Variants in ZBTB49 observed in about 807,000 individuals in gnomAD.
ZBTB49 encodes zinc finger and BTB domain containing 49.
A neutral mutation model predicts 57.5 loss-of-function variants in ZBTB49; 43 were observed. The observed-to-expected ratio is 0.75, with a 90% CI of 0.59 to 0.97. ZBTB49 has a LOEUF of 0.97. Among genes scored for constraint, ZBTB49 ranks in the 50% least tolerant of loss-of-function variants. ZBTB49 has a pLI of 0.00. For synonymous variants in ZBTB49, 369 were observed against 362.1 expected (o/e 1.02, Z -0.22); for missense variants, 938 against 947.7 (o/e 0.99, Z 0.13).
chr4:4,297,677 G>A (rs1003235530), intron 1 of ZBTB49, among the ~76,000 whole-genome samples: 3 of 152,022 alleles, frequency 2.0e-5, no homozygotes, highest in African/African-American at 7.2e-5. Flanking sequence ...TCACAGTTGT[G>A]GTGGGAGGAT....
chr4:4,305,862 G>A (rs765178429), intron 3 of ZBTB49, among the ~76,000 whole-genome samples: 2 of 152,202 alleles, frequency 1.3e-5, no homozygotes, highest in African/African-American at 2.4e-5. Flanking sequence ...CTTCCAGAAC[G>A]TGGGTCTGCT....
At chr4:4,294,783 A>C (rs892714449) in intron 1 of ZBTB49, among the ~76,000 whole-genome samples, 13 of 151,878 alleles carry the variant, frequency 8.6e-5, no homozygotes, top group South Asian at 2.1e-4. Context: ...TAATTTTCTA[A>C]TTAGACATTT....
At chr4:4,319,650 A>G (rs989786960) in intron 7 of ZBTB49, among the ~76,000 whole-genome samples, 2 of 152,184 alleles carry the variant, frequency 1.3e-5, no homozygotes, top group Admixed American at 1.3e-4. Context: ...GCAAAACCCC[A>G]TCTCTACAAA....
At chr4:4,312,823 C>T (rs1215962355) in intron 4 of ZBTB49, among the ~76,000 whole-genome samples, 1 of 152,130 alleles carries the variant, frequency 6.6e-6, no homozygotes, top group Non-Finnish European at 1.5e-5. Flanking sequence ...ACATGGAGGA[C>T]GGGGTGGAGA....
intron 3 of ZBTB49, among the ~76,000 whole-genome samples, chr4:4,304,743 T>C (rs972991666): frequency 6.6e-6 from 1 of 152,104 alleles, no homozygotes; most frequent in African/African-American, 2.4e-5. Context: ...TTGTCTAAGA[T>C]GTTAGTTGTT....
chr4:4,297,471 A>G (rs575714189), intron 1 of ZBTB49, among the ~76,000 whole-genome samples: 56 of 152,222 alleles, frequency 3.7e-4, no homozygotes, highest in Admixed American at 1.2e-3. Flanking sequence ...CAGAGGAGCA[A>G]CCCCAAACCC....
chr4:4,311,946 G>C (rs1487785213), intron 4 of ZBTB49, among the ~76,000 whole-genome samples: 1 of 151,762 alleles, frequency 6.6e-6, no homozygotes, highest in Non-Finnish European at 1.5e-5. Context: ...TTTAATACTT[G>C]TGAATTCTAG....
Position 4,315,796 on chromosome 4 carries a change from A to G in ZBTB49, c.1460-13A>G, listed in dbSNP as rs763836930. 5.6e-6 allele frequency: 9 copies of G among 1,614,114 alleles called. No individual in the cohort carries two copies. In the African/African-American group the frequency reaches 9.3e-5, roughly 17 times the overall value. ...TCTGTCCTTCAGCTTAACACCTGTT[A>G]TGGTCTCTCTAGGGTTTAGTAACTT... On this transcript the variant is annotated splice_polypyrimidine_tract_variant and intron_variant, in intron 6 of 7. Transcript: ENST00000337872.
chr4:4,312,826 G>A (rs1721030474), intron 4 of ZBTB49, among the ~76,000 whole-genome samples: 1 of 152,188 alleles, frequency 6.6e-6, no homozygotes, highest in African/African-American at 2.4e-5. Context: ...TGGAGGACGG[G>A]GTGGAGACAC....
At chr4:4,295,940 A>G (rs904251833) in intron 1 of ZBTB49, among the ~76,000 whole-genome samples, 1 of 152,234 alleles carries the variant, frequency 6.6e-6, no homozygotes, top group Non-Finnish European at 1.5e-5. Flanking sequence ...AGAGTTGGAG[A>G]TTAGAACTGG....
chr4:4,312,415 T>C (rs1389641625), intron 4 of ZBTB49, among the ~76,000 whole-genome samples: 5 of 152,364 alleles, frequency 3.3e-5, no homozygotes, highest in Non-Finnish European at 4.4e-5. Context: ...TTCAGTGTTA[T>C]TCTTCGCAAA....
At chr4:4,306,401 CT>C (rs980838462) in intron 4 of ZBTB49, among the ~76,000 whole-genome samples, 2 of 152,144 alleles carry the variant, frequency 1.3e-5, no homozygotes, top group African/African-American at 4.8e-5. Flanking sequence ...TCTTACAATA[CT>C]TTTTTCGCCT....
intron 1 of ZBTB49, 137 bp from the exon 2 acceptor site, chr4:4,299,790 T>G (rs1720392688): frequency 1.5e-6 from 1 of 689,278 alleles, no homozygotes; most frequent in Non-Finnish European, 2.4e-6. Flanking sequence ...TGTGTGTGTG[T>G]GTGTGTGTGT....
chr4:4,297,763 G>C (rs1720280100), intron 1 of ZBTB49, among the ~76,000 whole-genome samples: 1 of 134,714 alleles, frequency 7.4e-6, no homozygotes, highest in African/African-American at 2.7e-5. Context: ...GGCAGAGCTA[G>C]ATCCTGTTTC....
chr4:4,307,186 G>A (rs1720773169), intron 4 of ZBTB49, among the ~76,000 whole-genome samples: 4 of 152,210 alleles, frequency 2.6e-5, no homozygotes, highest in African/African-American at 7.2e-5. Flanking sequence ...ACTCGGTCGG[G>A]TCATGTCCTC....
In ZBTB49 at chr4:4,315,691, C is replaced by T; in HGVS notation, c.1432C>T (p.Pro478Ser). 6.2e-7 allele frequency: 1 copy of T among 1,614,236 alleles called. No individual in the cohort carries two copies. Among genetic ancestry groups the T allele is most frequent in the African/African-American group, 1.3e-5 (1 of 75,058 alleles). Residue 478 changes from proline (P) to serine (S), a missense_variant, in exon 6 of 8, where the codon CCA (proline) becomes TCA (serine). Physicochemically the swap from Pro to Ser is moderately conservative, Grantham distance 74 (BLOSUM62 -1). Coordinates refer to ENST00000337872, the MANE Select transcript of ZBTB49 (RefSeq NM_145291.4). The stretch of plus-strand genomic sequence containing the variant: ...CATTATTATTCACTCAGGAGAAAAA[C>T]CACACTTGTGTGACATCTGTGGTCG... ...RHIIIHSGEK[P>S]HLCDICGRGF...
intron 4 of ZBTB49, among the ~76,000 whole-genome samples, chr4:4,307,173 C>T (rs773159174): frequency 5.9e-5 from 9 of 152,254 alleles, no homozygotes; most frequent in Non-Finnish European, 1.2e-4. Flanking sequence ...TCTCTCATCG[C>T]GTACTCGGTC....
rs1721175822 is a variant in ZBTB49, at chr4:4,315,877, G to C, written c.1528G>C (p.Asp510His). 1.2e-6 allele frequency: 2 copies of C among 1,614,234 alleles called. No individual in the cohort carries two copies. Among genetic ancestry groups the C allele is most frequent in the Non-Finnish European group, 1.7e-6 (2 of 1,180,036 alleles). Residue 510 changes from aspartate to histidine, a missense_variant, in exon 7 of 8, where the codon GAT becomes CAT. Physicochemically the swap from Asp to His is moderately conservative, Grantham distance 81. This residue lies in a region of ZBTB49 where 835 missense variants were observed against 819.1 expected (regional missense o/e 1.02). Coordinates refer to ENST00000337872, the MANE Select transcript of ZBTB49 (RefSeq NM_145291.4). Reference protein sequence around the residue: ...THTADKVFTCDECGKSFNMQR... With the variant: ...THTADKVFTCHECGKSFNMQR... ...CACGGCTGATAAAGTCTTCACCTGT[G>C]ATGAGTGTGGAAAGTCTTTTAATAT... is the stretch of plus-strand genomic sequence containing the variant.
chr4:4,294,706 A>G (rs191291551), intron 1 of ZBTB49, among the ~76,000 whole-genome samples: 8 of 152,282 alleles, frequency 5.3e-5, no homozygotes, highest in African/African-American at 1.9e-4. Flanking sequence ...ACTGCCTAGC[A>G]TCATAACTCT....
Sources: gnomAD v4.1 joint callset for allele counts (sites outside exome capture counted in the v4.1 genomes callset) on GRCh38, gnomAD v4.1.1 for gene constraint, gnomAD v4.1.1 regional missense constraint, MANE v1.5 for transcripts, NCBI Gene and HGNC (gene_info 2026-07-23, HGNC 2026-07-21) for gene names.